RBFOX1: variants seen among roughly 807,000 people sequenced by gnomAD.
RBFOX1 encodes RNA binding fox-1 homolog 1.
RBFOX1 carries 8 observed loss-of-function variants against 57.7 expected under a neutral mutation model. The observed-to-expected ratio is 0.14, with a 90% CI of 0.08 to 0.25. RBFOX1 has a LOEUF of 0.25. RBFOX1 is among the 10% of genes least tolerant of loss of function. The pLI, the probability that RBFOX1 is intolerant of heterozygous loss-of-function variation, is 1.00. For synonymous variants in RBFOX1, 326 were observed against 222.4 expected (o/e 1.47, Z -4.15); for missense variants, 611 against 548.5 (o/e 1.11, Z -1.14).
rs1187429288 is a variant in RBFOX1 at position 7,647,087 on chromosome 16, C to T, written c.758-6728C>T. On this transcript the variant is annotated intron_variant, in intron 11 of 15. Transcript: ENST00000550418. ...ACTTGAGCACCACCACAGCGTGCCT[C>T]TTGTTACATCCCTAAAGCTTCCATT... Among the ~76,000 whole-genome samples, 3 of 152,188 alleles carry T rather than the reference C, an allele frequency of 2.0e-5. No individual in the cohort carries two copies. The East Asian group carries it at 5.8e-4, about 29-fold the overall frequency.
At chr16:5,813,518 A>C (rs2055510631) in intron 3 of RBFOX1, among the ~76,000 whole-genome samples, 4 of 152,200 alleles carry the variant, frequency 2.6e-5, no homozygotes, top group Admixed American at 2.6e-4. Flanking sequence ...GTATGGATAA[A>C]CCTTGTACAT....
At chr16:5,672,725 A>AT (rs943194313) in intron 3 of RBFOX1, among the ~76,000 whole-genome samples, 3 of 146,782 alleles carry the variant, frequency 2.0e-5, no homozygotes, top group Non-Finnish European at 1.5e-5. Flanking sequence ...GAGGAAAAAA[A>AT]CTTTAGCGGT....
At chr16:7,482,246 A>G (rs1326941365) in intron 4 of RBFOX1, among the ~76,000 whole-genome samples, 2 of 152,206 alleles carry the variant, frequency 1.3e-5, no homozygotes, top group Non-Finnish European at 2.9e-5. Context: ...TAAGAGCTCA[A>G]ACAGTGTCAG....
intron 4 of RBFOX1, among the ~76,000 whole-genome samples, chr16:7,240,072 T>C (rs1314106825): frequency 1.3e-5 from 2 of 152,144 alleles, no homozygotes; most frequent in African/African-American, 4.8e-5. Flanking sequence ...GTTCAAGCGA[T>C]TCTCCTGCCT....
chr16:5,283,925 AG>A (rs1417499640), intron 1 of RBFOX1, among the ~76,000 whole-genome samples: 1 of 152,034 alleles, frequency 6.6e-6, no homozygotes. Context: ...GGGAGGGGCC[AG>A]GGGCAGAATG....
chr16:5,738,243 A>C (rs1283251281), intron 3 of RBFOX1, among the ~76,000 whole-genome samples: 1 of 152,106 alleles, frequency 6.6e-6, no homozygotes, highest in Non-Finnish European at 1.5e-5. Context: ...TGTAATGATC[A>C]AGGCAGGGTG....
intron 11 of RBFOX1, among the ~76,000 whole-genome samples, chr16:7,637,187 A>C (rs913501798): frequency 1.3e-5 from 2 of 151,986 alleles, no homozygotes; most frequent in Non-Finnish European, 2.9e-5. Flanking sequence ...TGAACAGTAG[A>C]TCCCCATCAG....
chr16:5,836,934 C>G (rs1358325250), intron 3 of RBFOX1, among the ~76,000 whole-genome samples: 1 of 152,190 alleles, frequency 6.6e-6, no homozygotes, highest in Non-Finnish European at 1.5e-5. Flanking sequence ...TCACTTCTTC[C>G]AATGCATCCT....
intron 3 of RBFOX1, among the ~76,000 whole-genome samples, chr16:6,844,470 G>A (rs899679599): frequency 6.6e-6 from 1 of 152,052 alleles, no homozygotes; most frequent in African/African-American, 2.4e-5. Flanking sequence ...TCCTGCGTTA[G>A]TTATCTTCCA....
intron 3 of RBFOX1, among the ~76,000 whole-genome samples, chr16:6,976,719 C>G (rs527634766): frequency 4.7e-5 from 7 of 147,930 alleles, no homozygotes; most frequent in Admixed American, 3.4e-4. Context: ...GCATACATAT[C>G]ATATATATCA....
At chr16:6,959,936 CATAA>C (rs1471869433) in intron 3 of RBFOX1, among the ~76,000 whole-genome samples, 2 of 152,094 alleles carry the variant, frequency 1.3e-5, no homozygotes, top group Non-Finnish European at 2.9e-5. Context: ...AACTCCATCT[CATAA>C]ATAAATAAAT....
chr16:6,955,813 C>G lies in RBFOX1; in HGVS notation c.-15-96244C>G, dbSNP rs566863125. ...CTCCATTTCCCTGGTTCAAGTGATT[C>G]TCCTGCCTCAGCCTCCTGAGTTGCT... On this transcript the variant is annotated intron_variant, in intron 3 of 15. Coordinates refer to ENST00000550418, the MANE Select transcript of RBFOX1 (RefSeq NM_018723.4). Among the ~76,000 whole-genome samples, 224 of 152,196 alleles carry G rather than the reference C, an allele frequency of 1.5e-3. 10 individuals are homozygous for G. The South Asian group carries it at 0.045, about 31-fold the overall frequency.
Position 7,142,118 on chromosome 16 carries a change from G to A in RBFOX1, c.27+90020G>A, listed in dbSNP as rs78672511. On this transcript the variant is annotated intron_variant, in intron 4 of 15. Transcript: ENST00000550418. ...AGCTCAGTGCAGCATCAACCTCCCA[G>A]GCTAAAGGGAGCCTCACACCTCAGC... Among the ~76,000 whole-genome samples the A allele has an allele frequency of 4.4e-3, 676 of 152,142 alleles. 7 individuals carry two copies. The highest frequency in any genetic ancestry group is 0.015 in the African/African-American group (642 of 41,508).
chr16:7,621,733 G>C (rs1387382911), intron 10 of RBFOX1, among the ~76,000 whole-genome samples: 4 of 152,200 alleles, frequency 2.6e-5, no homozygotes, highest in African/African-American at 7.2e-5. Context: ...CCCTTGGGAA[G>C]GGCTAATGGT....
chr16:7,218,329 G>C (rs537297409), intron 4 of RBFOX1, among the ~76,000 whole-genome samples: 10 of 152,292 alleles, frequency 6.6e-5, no homozygotes, highest in Non-Finnish European at 1.3e-4. Flanking sequence ...GCCATCATCA[G>C]TATATTGTTT....
At chr16:6,397,563 A>C (rs550851574) in intron 2 of RBFOX1, among the ~76,000 whole-genome samples, 2 of 152,210 alleles carry the variant, frequency 1.3e-5, no homozygotes, top group Non-Finnish European at 2.9e-5. Context: ...CTTCAGAGTG[A>C]AAGGAAATGA....
At chr16:6,653,954 AGGATGGATGGTTGGACGGATGGAT>A (rs1467777737) in intron 2 of RBFOX1, among the ~76,000 whole-genome samples, 16 of 125,656 alleles carry the variant, frequency 1.3e-4, no homozygotes, top group Admixed American at 2.6e-4. Context: ...GGGTGGATGA[AGGATGGATGGTTGGACGGATGGAT>A]GGATGGATGG....
In RBFOX1 at chr16:7,532,204, C is replaced by A. The variant is rs2080268236; in HGVS notation, c.270+13815C>A. Among the ~76,000 whole-genome samples the A allele has an allele frequency of 2.0e-5, 3 of 151,790 alleles. No individual in the cohort carries two copies. In the South Asian group the frequency reaches 6.3e-4, roughly 32 times the overall value. ...CAATGACAGGAGGTGGGTTTCGTCCCCCCTCTTCCCTCTAATTGGCTTGCA... is the reference window on the plus strand; with the variant it reads ...CAATGACAGGAGGTGGGTTTCGTCCACCCTCTTCCCTCTAATTGGCTTGCA... On this transcript the variant is annotated intron_variant, in intron 5 of 15. Transcript: ENST00000550418.
chr16:6,864,995 C>CTTTTTTTTTTTTTTTTTT (rs34341448), intron 3 of RBFOX1, among the ~76,000 whole-genome samples: 7 of 82,566 alleles, frequency 8.5e-5, no homozygotes, highest in African/African-American at 2.8e-4. Context: ...TTTTCTTTTT[C>CTTTTTTTTTTTTTTTTTT]TTTTTTTTTT....
Sources: allele counts gnomAD v4.1 joint callset (sites outside exome capture counted in the v4.1 genomes callset), GRCh38; gene constraint gnomAD v4.1.1; transcripts MANE v1.5; gene names NCBI Gene and HGNC (gene_info 2026-07-23, HGNC 2026-07-21).